Variants in PDE4B observed in about 807,000 individuals in gnomAD.
PDE4B encodes the protein 3',5'-cyclic-AMP phosphodiesterase 4B.
Under a neutral mutation model 82.2 loss-of-function variants are expected in PDE4B, and 20 were observed. The ratio of observed to expected loss-of-function variants is 0.24; its 90% CI spans 0.17 to 0.35. PDE4B has a LOEUF of 0.35. PDE4B is among the 10% of genes least tolerant of loss of function. The probability of loss-of-function intolerance (pLI) is 1.00; values close to 1 mark genes in which losing one functional copy is unlikely to be tolerated. For synonymous variants in PDE4B, 320 were observed against 318.9 expected (o/e 1.00, Z -0.04); for missense variants, 655 against 907.2 (o/e 0.72, Z 3.57).
At chr1:65,962,492 A>G (rs751444920) in intron 3 of PDE4B, among the ~76,000 whole-genome samples, 17 of 152,150 alleles carry the variant, frequency 1.1e-4, no homozygotes, top group Non-Finnish European at 2.1e-4. Flanking sequence ...AGGTGACTGA[A>G]TCAGATTCTG....
At chr1:66,243,923 C>T (rs1432411674) in intron 3 of PDE4B, among the ~76,000 whole-genome samples, 2 of 152,146 alleles carry the variant, frequency 1.3e-5, no homozygotes, top group African/African-American at 2.4e-5. Flanking sequence ...CTTTCAATGC[C>T]GTGTATATAT....
chr1:66,039,194 T>G (rs1654228375), intron 3 of PDE4B, among the ~76,000 whole-genome samples: 1 of 152,100 alleles, frequency 6.6e-6, no homozygotes, highest in Non-Finnish European at 1.5e-5. Context: ...AGATAACAAT[T>G]AGATATTGTT....
At chr1:66,244,278 T>C (rs908050187) in intron 3 of PDE4B, among the ~76,000 whole-genome samples, 77 of 152,164 alleles carry the variant, frequency 5.1e-4, no homozygotes, top group Admixed American at 5.2e-4. Context: ...CTGCTAGTAA[T>C]GATGTTGTTC....
At position 66,257,861 on chromosome 1, in the gene PDE4B, C is replaced by A. The variant is rs765547504; in HGVS notation, c.582C>A (p.Asn194Lys). 6.2e-7 allele frequency: 1 copy of A among 1,609,436 alleles called. No individual in the cohort carries two copies. Among genetic ancestry groups the A allele is most frequent in the Non-Finnish European group, 8.5e-7 (1 of 1,176,002 alleles). Reference sequence around the variant, plus strand: ...TGACAAACCTTCATGGTACATCTAACAAGTAAGGATTGACTTTTTTGTGGA... The same window carrying A: ...TGACAAACCTTCATGGTACATCTAAAAAGTAAGGATTGACTTTTTTGTGGA... ...TILTNLHGTSNKRSPAASQPP... is the reference protein window; with the variant it reads ...TILTNLHGTSKKRSPAASQPP... Residue 194 changes from asparagine (N) to lysine (K), a missense_variant and splice_region_variant, in exon 6 of 17, where the codon AAC (asparagine) becomes AAA (lysine). By Grantham distance (94) the Asn-to-Lys change is moderately conservative. Around this residue, in one of 3 missense-constraint regions of PDE4B, gnomAD observed 253 missense variants for 275.6 expected, o/e 0.92. Coordinates refer to ENST00000341517, the MANE Select transcript of PDE4B (RefSeq NM_002600.4).
At chr1:66,036,258 CT>C (rs1654054709) in intron 3 of PDE4B, among the ~76,000 whole-genome samples, 1 of 152,136 alleles carries the variant, frequency 6.6e-6, no homozygotes, top group South Asian at 2.1e-4. Context: ...CAAATATTTT[CT>C]CCTAATCTGT....
intron 3 of PDE4B, among the ~76,000 whole-genome samples, chr1:66,195,512 C>T (rs1648223707): frequency 6.6e-6 from 1 of 152,152 alleles, no homozygotes; most frequent in Non-Finnish European, 1.5e-5. Flanking sequence ...GCACCATCCC[C>T]TGTTTTGCTA....
intron 3 of PDE4B, among the ~76,000 whole-genome samples, chr1:66,045,779 A>T (rs763716168): frequency 3.0e-4 from 46 of 151,298 alleles, no homozygotes; most frequent in Non-Finnish European, 5.7e-4. Flanking sequence ...ACCATGATTA[A>T]GAGTCTGACT....
chr1:66,224,343 T>C (rs759127912), intron 3 of PDE4B, among the ~76,000 whole-genome samples: 1 of 152,152 alleles, frequency 6.6e-6, no homozygotes, highest in Non-Finnish European at 1.5e-5. Flanking sequence ...CCACCAAAAT[T>C]CTGGGCAAAA....
At chr1:65,795,952 A>G (rs1307431944) in intron 1 of PDE4B, among the ~76,000 whole-genome samples, 1 of 152,234 alleles carries the variant, frequency 6.6e-6, no homozygotes, top group Non-Finnish European at 1.5e-5. Flanking sequence ...TGGTGTTTCA[A>G]CCATCAAATA....
intron 1 of PDE4B, among the ~76,000 whole-genome samples, chr1:65,813,428 G>A (rs1038574868): frequency 6.6e-6 from 1 of 152,058 alleles, no homozygotes; most frequent in African/African-American, 2.4e-5. Context: ...GCAAGTTTGA[G>A]ATATTTTTGC....
At chr1:66,368,725 T>G in intron 15 of PDE4B, 62 bp from the exon 16 acceptor site, 98 of 1,303,708 alleles carry the variant, frequency 7.5e-5, no homozygotes, top group Non-Finnish European at 9.2e-5. Context: ...ATGAGAGGCA[T>G]GAGATGTTCC....
At chr1:65,816,789 A>G (rs1242419033) in intron 1 of PDE4B, among the ~76,000 whole-genome samples, 1 of 152,218 alleles carries the variant, frequency 6.6e-6, no homozygotes, top group Non-Finnish European at 1.5e-5. Flanking sequence ...ACAATACTAT[A>G]TGTGTGTTTT....
chr1:66,190,229 T>C (rs558523721), intron 3 of PDE4B, among the ~76,000 whole-genome samples: 11 of 152,312 alleles, frequency 7.2e-5, no homozygotes, highest in African/African-American at 2.6e-4. Context: ...CCGTGTGAGA[T>C]GTCAGTCTGC....
At chr1:65,859,050 C>T (rs1459634855) in intron 1 of PDE4B, among the ~76,000 whole-genome samples, 1 of 152,038 alleles carries the variant, frequency 6.6e-6, no homozygotes, top group Non-Finnish European at 1.5e-5. Flanking sequence ...AATTATTCAC[C>T]TTCAGATATT....
chr1:65,948,710 A>G (rs376387426), intron 3 of PDE4B, among the ~76,000 whole-genome samples: 1 of 152,046 alleles, frequency 6.6e-6, no homozygotes, highest in Non-Finnish European at 1.5e-5. Context: ...ATCACAGGCA[A>G]TGATGGTGTT....
intron 3 of PDE4B, among the ~76,000 whole-genome samples, chr1:66,216,275 A>T (rs1404962313): frequency 6.6e-6 from 1 of 151,714 alleles, no homozygotes; most frequent in African/African-American, 2.4e-5. Flanking sequence ...GGTTAAGTAA[A>T]GCAGTTTGCC....
intron 3 of PDE4B, among the ~76,000 whole-genome samples, chr1:66,230,618 A>G (rs1268142622): frequency 6.6e-6 from 1 of 152,248 alleles, no homozygotes; most frequent in Non-Finnish European, 1.5e-5. Flanking sequence ...TTTGCGCATC[A>G]CAAAGACCGT....
intron 3 of PDE4B, among the ~76,000 whole-genome samples, chr1:66,226,665 A>G (rs899139806): frequency 1.3e-5 from 2 of 152,250 alleles, no homozygotes; most frequent in Non-Finnish European, 2.9e-5. Flanking sequence ...CAAGAAGGAA[A>G]ATTGTATAAA....
chr1:65,919,301 T>G (rs551257555), intron 3 of PDE4B, among the ~76,000 whole-genome samples: 1 of 152,334 alleles, frequency 6.6e-6, no homozygotes, highest in African/African-American at 2.4e-5. Flanking sequence ...ATAAAACATT[T>G]CATTGTAAAT....
Sources: allele counts gnomAD v4.1 joint callset (sites outside exome capture counted in the v4.1 genomes callset), GRCh38; gene constraint gnomAD v4.1.1; regional missense constraint gnomAD v4.1.1; transcripts MANE v1.5; gene names NCBI Gene and HGNC (gene_info 2026-07-23, HGNC 2026-07-21).